The following KLHL29 variants were observed in gnomAD, a reference collection of about 807,000 sequenced individuals.
KLHL29 encodes kelch like family member 29.
Under a neutral mutation model 80.4 loss-of-function variants are expected in KLHL29, and 21 were observed. The ratio of observed to expected loss-of-function variants is 0.26; its 90% CI spans 0.19 to 0.38. KLHL29 has a LOEUF of 0.38. KLHL29 is among the 10% of genes least tolerant of loss of function. The probability of loss-of-function intolerance (pLI) is 1.00; values close to 1 mark genes in which losing one functional copy is unlikely to be tolerated. For missense variants in KLHL29, 867 were observed against 1,223.9 expected, an observed-to-expected ratio of 0.71 and a Z score of 4.35; for synonymous variants, 511 against 526.8, an observed-to-expected ratio of 0.97 and a Z score of 0.41.
intron 3 of KLHL29, among the ~76,000 whole-genome samples, chr2:23,604,907 C>T (rs2103525754): frequency 6.6e-6 from 1 of 152,262 alleles, no homozygotes; most frequent in Admixed American, 6.5e-5. Flanking sequence ...AAGCAGTTGT[C>T]CCCTCAGCCG....
intron 1 of KLHL29, among the ~76,000 whole-genome samples, chr2:23,461,255 A>G (rs1664201540): frequency 6.6e-6 from 1 of 152,200 alleles, no homozygotes; most frequent in Non-Finnish European, 1.5e-5. Flanking sequence ...ACATTACGTG[A>G]GTAGTAACTG....
chr2:23,650,976 C>T (rs1483436318), intron 5 of KLHL29, among the ~76,000 whole-genome samples: 1 of 144,430 alleles, frequency 6.9e-6, no homozygotes, highest in Non-Finnish European at 1.5e-5. Context: ...GAAAATGTGG[C>T]ACAAAACTGG....
At chr2:23,450,070 G>A (rs11889528) in intron 1 of KLHL29, among the ~76,000 whole-genome samples, 22,192 of 152,084 alleles carry the variant, frequency 0.15, 2,766 homozygotes, top group African/African-American at 0.32. Flanking sequence ...CGGCAAGCTC[G>A]ATCGCCAATT....
intron 2 of KLHL29, among the ~76,000 whole-genome samples, chr2:23,559,747 G>T (rs750823167): frequency 1.3e-5 from 2 of 152,086 alleles, no homozygotes; most frequent in African/African-American, 2.4e-5. Flanking sequence ...TGGTGCTTAA[G>T]AGAGAGGAGA....
chr2:23,543,614 G>C (rs1666903444), intron 2 of KLHL29, among the ~76,000 whole-genome samples: 1 of 152,206 alleles, frequency 6.6e-6, no homozygotes, highest in East Asian at 1.9e-4. Flanking sequence ...CTTCCAGATG[G>C]GGGAAAGAAC....
intron 2 of KLHL29, among the ~76,000 whole-genome samples, chr2:23,536,608 G>A (rs1028646053): frequency 2.0e-5 from 3 of 152,190 alleles, no homozygotes; most frequent in African/African-American, 7.2e-5. Flanking sequence ...CGGCACAGCA[G>A]CCTGTGAAGG....
intron 3 of KLHL29, among the ~76,000 whole-genome samples, chr2:23,625,833 C>T (rs1318207493): frequency 6.6e-6 from 1 of 152,136 alleles, no homozygotes; most frequent in Non-Finnish European, 1.5e-5. Context: ...TGGGGCCCAC[C>T]TGATGGGATT....
At chr2:23,404,739 C>A (rs1337419809) in intron 1 of KLHL29, among the ~76,000 whole-genome samples, 1 of 152,238 alleles carries the variant, frequency 6.6e-6, no homozygotes, top group East Asian at 1.9e-4. Context: ...GCCAACACTT[C>A]CGGCCAGGAA....
intron 3 of KLHL29, among the ~76,000 whole-genome samples, chr2:23,634,737 T>A (rs1047190769): frequency 6.6e-6 from 1 of 151,964 alleles, no homozygotes; most frequent in African/African-American, 2.4e-5. Context: ...GTGTTAAGGG[T>A]CCCAGCACAC....
At position 23,540,161 on chromosome 2, in the gene KLHL29, C is replaced by A. The variant is rs577123064; in HGVS notation, c.-45-21991C>A. Reference sequence around the variant, plus strand: ...GGATCTTCTGTGTCCAGGCTCCCGTCCTGCAATCCCGCCCCCTGGTACCTG... The same window carrying A: ...GGATCTTCTGTGTCCAGGCTCCCGTACTGCAATCCCGCCCCCTGGTACCTG... On this transcript the variant is annotated intron_variant, in intron 2 of 13. Transcript: ENST00000486442. 2.0e-5 allele frequency among the ~76,000 whole-genome samples: 3 copies of A among 152,342 alleles called. No individual in the cohort carries two copies. The South Asian group carries it at 6.2e-4, about 32-fold the overall frequency.
At position 23,410,752 on chromosome 2, in the gene KLHL29, A is replaced by G. The variant is rs115331964; in HGVS notation, c.-154+24972A>G. Among the ~76,000 whole-genome samples the G allele has an allele frequency of 4.5e-3, 685 of 152,190 alleles. 4 individuals are homozygous for G. Among genetic ancestry groups the G allele is most frequent in the Middle Eastern group, 0.014 (4 of 294 alleles). ...GAGGAGGGCATTGCATTTCCTGTGT[A>G]TCCTCCACCATGTGCTGGCTGAGTC... On this transcript the variant is annotated intron_variant, in intron 1 of 13. Coordinates refer to ENST00000486442, the MANE Select transcript of KLHL29 (RefSeq NM_052920.2).
chr2:23,640,790 C>T (rs927477294), intron 4 of KLHL29, among the ~76,000 whole-genome samples: 5 of 152,220 alleles, frequency 3.3e-5, no homozygotes, highest in Non-Finnish European at 5.9e-5. Context: ...CTTGGGCCTA[C>T]GGTCCCTCAG....
intron 1 of KLHL29, among the ~76,000 whole-genome samples, chr2:23,443,856 C>T (rs536855314): frequency 6.6e-5 from 10 of 152,212 alleles, no homozygotes; most frequent in African/African-American, 1.2e-4. Context: ...GTAATCTGTT[C>T]GGGTGGTACT....
At chr2:23,536,599 G>A (rs1160312978) in intron 2 of KLHL29, among the ~76,000 whole-genome samples, 7 of 152,176 alleles carry the variant, frequency 4.6e-5, no homozygotes, top group African/African-American at 1.4e-4. Flanking sequence ...GAGAGAGCTC[G>A]GCACAGCAGC....
chr2:23,681,584 CTG>C lies in KLHL29; in HGVS notation c.941-2813_941-2812del, dbSNP rs1248733198. On this transcript the variant is annotated intron_variant, in intron 5 of 13. Coordinates refer to ENST00000486442, the MANE Select transcript of KLHL29 (RefSeq NM_052920.2). The surrounding 1 kb of genome is among the most constrained non-coding windows in gnomAD (Gnocchi z 4.2). ...ACTCAGCAGGCATGTGGGGCCACAT[CTG>C]TCACTCTCTGCAGCATGACACCCAG... is the stretch of plus-strand genomic sequence containing the variant. Among the ~76,000 whole-genome samples, 1 of 152,204 alleles carries C rather than the reference CTG, an allele frequency of 6.6e-6. No homozygotes were observed. Among genetic ancestry groups the C allele is most frequent in the East Asian group, 1.9e-4 (1 of 5,196 alleles).
chr2:23,491,906 C>A (rs953229744), intron 2 of KLHL29, among the ~76,000 whole-genome samples: 6 of 152,186 alleles, frequency 3.9e-5, no homozygotes, highest in Non-Finnish European at 7.3e-5. Flanking sequence ...CCTCCACGTA[C>A]TACAGGCTGT....
chr2:23,444,312 T>C (rs945020588), intron 1 of KLHL29, among the ~76,000 whole-genome samples: 1 of 152,150 alleles, frequency 6.6e-6, no homozygotes, highest in African/African-American at 2.4e-5. Context: ...TATATATATT[T>C]CTATATGTTT....
intron 1 of KLHL29, among the ~76,000 whole-genome samples, chr2:23,408,543 A>G (rs1419792973): frequency 3.3e-5 from 5 of 152,176 alleles, no homozygotes; most frequent in African/African-American, 1.2e-4. Flanking sequence ...TGTTACATAT[A>G]CATAGAGTGA....
intron 2 of KLHL29, among the ~76,000 whole-genome samples, chr2:23,558,737 G>A (rs562608153): frequency 5.3e-4 from 80 of 152,340 alleles, no homozygotes; most frequent in African/African-American, 1.9e-3. Context: ...CAGCACCTAC[G>A]TGGAACTTCC....
Sources: gnomAD v4.1 joint callset for allele counts (sites outside exome capture counted in the v4.1 genomes callset) on GRCh38, gnomAD v4.1.1 for gene constraint, Gnocchi (gnomAD v3.1) non-coding constraint, MANE v1.5 for transcripts, NCBI Gene and HGNC (gene_info 2026-07-23, HGNC 2026-07-21) for gene names.